Variants in LRGUK observed in about 807,000 individuals in gnomAD.
LRGUK encodes the protein leucine-rich repeat and guanylate kinase domain-containing protein.
LRGUK carries 65 observed loss-of-function variants against 76.0 expected under a neutral mutation model. The ratio of observed to expected loss-of-function variants is 0.85; its 90% confidence interval spans 0.70 to 1.05. The LOEUF is 1.05. LRGUK is among the 50% of genes least tolerant of loss of function. The pLI is 0.00. For missense variants in LRGUK, 758 were observed against 732.8 expected, an observed-to-expected ratio of 1.03 and a Z score of -0.40; for synonymous variants, 268 against 265.6, an observed-to-expected ratio of 1.01 and a Z score of -0.09.
intron 18 of LRGUK, among the ~76,000 whole-genome samples, chr7:134,253,109 C>G (rs1052849723): frequency 1.8e-4 from 28 of 152,260 alleles, no homozygotes; most frequent in African/African-American, 6.5e-4. Context: ...AAATGTACTT[C>G]TTTGCTGGGA....
At chr7:134,154,642 C>A (rs1393502347) in intron 5 of LRGUK, among the ~76,000 whole-genome samples, 5 of 152,218 alleles carry the variant, frequency 3.3e-5, no homozygotes. Context: ...CTGGAATGAG[C>A]ATATTTCTCA....
At chr7:134,209,869 C>T (rs750299314) in exon 16 of LRGUK, 2 of 399,196 alleles carry the variant, frequency 5.0e-6, no homozygotes, top group African/African-American at 2.1e-5. Flanking sequence ...TCCTCAGTCC[C>T]GCCCAGGAGG....
At chr7:134,148,352 A>G in intron 5 of LRGUK, 33 bp downstream of exon 5, 1 of 1,257,372 alleles carries the variant, frequency 8.0e-7, no homozygotes, top group Non-Finnish European at 1.1e-6. Context: ...GGAAAATTTT[A>G]AAAACAATAT....
intron 12 of LRGUK, among the ~76,000 whole-genome samples, chr7:134,194,325 T>C (rs947457845): frequency 2.0e-5 from 3 of 152,034 alleles, no homozygotes; most frequent in Non-Finnish European, 4.4e-5. Flanking sequence ...TCCTTGTACA[T>C]AAACAATAAA....
intron 16 of LRGUK, among the ~76,000 whole-genome samples, chr7:134,243,378 G>A (rs1462552734): frequency 2.0e-5 from 3 of 152,114 alleles, no homozygotes; most frequent in Non-Finnish European, 2.9e-5. Context: ...AAATCAATGT[G>A]CAAAAATCAC....
rs540302494 is a variant in LRGUK at position 134,247,239 on chromosome 7, C to T, written c.1984-317C>T. Among the ~76,000 whole-genome samples, 4 of 152,098 alleles carry T rather than the reference C, an allele frequency of 2.6e-5. No homozygotes were observed. The South Asian group carries it at 8.3e-4, about 32-fold the overall frequency. ...CTAAAAAGACCATAATAGTCTGTACCTTTGAGAAGTTTATAATCTCATTAG... is the reference window on the plus strand; with the variant it reads ...CTAAAAAGACCATAATAGTCTGTACTTTTGAGAAGTTTATAATCTCATTAG... On this transcript the variant is annotated intron_variant, in intron 16 of 19. Transcript: ENST00000285928.
In LRGUK at chr7:134,174,642, A is replaced by G. The variant is rs201590847; in HGVS notation, c.1020+6A>G. 1.1e-4 allele frequency: 175 copies of G among 1,525,496 alleles called. 1 individual carries two copies. Among genetic ancestry groups the G allele is most frequent in the Non-Finnish European group, 3.0e-5 (33 of 1,100,430 alleles). 94.5% of individuals were successfully genotyped at this position (1,525,496 alleles called of 1,614,324 possible). On this transcript the variant is annotated splice_donor_region_variant and intron_variant, in intron 8 of 15. Transcript: ENST00000645682. ...TTCTAGAAAATCCAATTCAGGTGAG[A>G]CATTATTTATATCAGGGAGGGAGAC...
chr7:134,144,218 A>C (rs1797881621), intron 4 of LRGUK, among the ~76,000 whole-genome samples: 1 of 152,122 alleles, frequency 6.6e-6, no homozygotes, highest in Non-Finnish European at 1.5e-5. Context: ...CTCTCACCGC[A>C]ACCTCCGACT....
intron 7 of LRGUK, among the ~76,000 whole-genome samples, chr7:134,165,179 TAG>T (rs1798918266): frequency 6.6e-6 from 1 of 152,218 alleles, no homozygotes; most frequent in African/African-American, 2.4e-5. Flanking sequence ...TAAAATAATC[TAG>T]AGATATTTGT....
downstream of LRGUK, among the ~76,000 whole-genome samples, chr7:134,211,211 G>A (rs1184267040): frequency 6.6e-6 from 1 of 152,228 alleles, no homozygotes; most frequent in Non-Finnish European, 1.5e-5. Context: ...TTGTTGCAGA[G>A]GGATGCAGCT....
the LRGUK span, among the ~76,000 whole-genome samples, chr7:134,272,480 C>T: frequency 5.3e-5 from 8 of 151,970 alleles, no homozygotes; most frequent in Admixed American, 4.6e-4. Context: ...GAAATGCTTA[C>T]AAAGGCATCA....
intron 16 of LRGUK, among the ~76,000 whole-genome samples, chr7:134,225,248 G>A (rs972796288): frequency 6.6e-6 from 1 of 151,972 alleles, no homozygotes; most frequent in Non-Finnish European, 1.5e-5. Context: ...AAAAGGCAGT[G>A]TGAGAGTGGA....
At chr7:134,240,806 A>G (rs1001924114) in intron 16 of LRGUK, among the ~76,000 whole-genome samples, 1 of 152,222 alleles carries the variant, frequency 6.6e-6, no homozygotes, top group Non-Finnish European at 1.5e-5. Flanking sequence ...CCAGAGAGAA[A>G]GGTCAGGTTA....
chr7:134,178,818 G>T (rs1279526657), intron 10 of LRGUK, among the ~76,000 whole-genome samples: 2 of 149,042 alleles, frequency 1.3e-5, no homozygotes, highest in Non-Finnish European at 3.0e-5. Context: ...TGAGTGTGTT[G>T]CTTTCTTGCT....
chr7:134,223,598 A>T (rs1284037637), intron 16 of LRGUK, among the ~76,000 whole-genome samples: 1 of 152,206 alleles, frequency 6.6e-6, no homozygotes, highest in African/African-American at 2.4e-5. Flanking sequence ...ATCACTTCCC[A>T]TATTTGGATT....
intron 6 of LRGUK, among the ~76,000 whole-genome samples, chr7:134,159,396 T>C (rs905267934): frequency 1.3e-5 from 2 of 151,602 alleles, no homozygotes; most frequent in African/African-American, 4.9e-5. Flanking sequence ...ATTTTTGACA[T>C]ATACAATATA....
downstream of LRGUK, among the ~76,000 whole-genome samples, chr7:134,267,429 T>C (rs1189863293): frequency 6.6e-6 from 1 of 152,132 alleles, no homozygotes; most frequent in Non-Finnish European, 1.5e-5. Context: ...TGAGGGGTGA[T>C]ATGGTTTGGC....
chr7:134,231,773 T>TC (rs201639920), intron 16 of LRGUK, among the ~76,000 whole-genome samples: 3,808 of 137,282 alleles, frequency 0.028, 213 homozygotes, highest in East Asian at 0.082. Context: ...CCTTCCTTCC[T>TC]CCGTCCGTCC....
intron 1 of LRGUK, 62 bp downstream of exon 1, chr7:134,127,726 G>A (rs1050928871): frequency 1.3e-5 from 20 of 1,521,300 alleles, no homozygotes; most frequent in Admixed American, 4.0e-5. Context: ...TACTTCAGCG[G>A]CAGCTCCCCG....
Sources: gnomAD v4.1 joint callset for allele counts (sites outside exome capture counted in the v4.1 genomes callset) on GRCh38, gnomAD v4.1.1 for gene constraint, MANE v1.5 for transcripts, NCBI Gene and HGNC (gene_info 2026-07-23, HGNC 2026-07-21) for gene names.